Variants in TSPO observed in about 807,000 individuals in gnomAD.
TSPO encodes benzodiazepine peripheral binding site.
A neutral mutation model predicts 13.9 loss-of-function variants in TSPO; 14 were observed. The observed-to-expected ratio is 1.01, with a 90% CI of 0.67 to 1.58. TSPO has a LOEUF of 1.58. TSPO is among the 40% of genes most tolerant of loss of function. The pLI, the probability that TSPO is intolerant of heterozygous loss-of-function variation, is 0.00. For synonymous variants in TSPO, 114 were observed against 105.9 expected, an observed-to-expected ratio of 1.08 and a Z score of -0.47; for missense variants, 232 against 229.6, an observed-to-expected ratio of 1.01 and a Z score of -0.07.
intron 1 of TSPO, among the ~76,000 whole-genome samples, chr22:43,157,975 G>C (rs1022652527): frequency 4.6e-5 from 7 of 152,204 alleles, no homozygotes; most frequent in Admixed American, 6.5e-5. Flanking sequence ...CTTGGTTTGT[G>C]GGGGGCCAGT....
At position 43,162,843 on chromosome 22, in the gene TSPO, C is replaced by CCACTA. The variant is rs1269818076; in HGVS notation, c.364_368dup (p.Val124LeufsTer8). 3 of 1,585,648 alleles carry CCACTA rather than the reference C, an allele frequency of 1.9e-6. No individual in the cohort carries two copies. Among genetic ancestry groups the CCACTA allele is most frequent in the Non-Finnish European group, 2.6e-6 (3 of 1,167,218 alleles). On this transcript the variant is annotated frameshift_variant, in exon 4 of 4. Transcript: ENST00000337554. LOFTEE classifies it low-confidence loss of function (END_TRUNC). ...CTGCTGGTCAGTGGGGCGGCGGCAG[C>CCACTA]CACTACCGTGGCCTGGTACCAGGTG... is the stretch of plus-strand genomic sequence containing the variant.
chr22:43,158,791 C>T (rs949100440), intron 1 of TSPO, among the ~76,000 whole-genome samples: 2 of 150,990 alleles, frequency 1.3e-5, no homozygotes, highest in Non-Finnish European at 2.9e-5. Flanking sequence ...CAAACTCTGT[C>T]TGATACCAGT....
rs186540473 is a variant in TSPO, at chr22:43,162,046, G to A, written c.322-757G>A. Among the ~76,000 whole-genome samples, 266 of 151,804 alleles carry A rather than the reference G, an allele frequency of 1.8e-3. 4 individuals carry two copies. Among genetic ancestry groups the A allele is most frequent in the East Asian group, 7.6e-3 (39 of 5,130 alleles). On this transcript the variant is annotated intron_variant, in intron 3 of 3. Coordinates refer to ENST00000337554, the MANE Select transcript of TSPO (RefSeq NM_000714.6). Reference sequence around the variant, plus strand: ...GCTCACTGCAGACTCCACCTCCCAGGTTCAAGTGATTCTCCTGTCTCAGCC... The same window carrying A: ...GCTCACTGCAGACTCCACCTCCCAGATTCAAGTGATTCTCCTGTCTCAGCC...
Position 43,161,038 on chromosome 22 carries a change from G to A in TSPO, c.183-14G>A, listed in dbSNP as rs143706367. 1.6e-4 allele frequency: 260 copies of A among 1,609,938 alleles called. No individual in the cohort carries two copies. The Middle Eastern group carries it at 4.1e-3, about 26-fold the overall frequency. On this transcript the variant is annotated splice_polypyrimidine_tract_variant and intron_variant, in intron 2 of 3. Transcript: ENST00000337554. ...TGTTCCTAATGGTGCTCTGAACTGC[G>A]GCCTCTGTTTCAGGTACGGCTCCTA... is the stretch of plus-strand genomic sequence containing the variant.
At position 43,159,323 on chromosome 22, in the gene TSPO, G is replaced by A. The variant is rs1387474722; in HGVS notation, c.85G>A (p.Glu29Lys). 22 of 1,549,210 alleles carry A rather than the reference G, an allele frequency of 1.4e-5. No homozygotes were observed. Among genetic ancestry groups the A allele is most frequent in the East Asian group, 9.8e-5 (4 of 40,960 alleles). ...CGTGGGCTCCCGCTTTGTCCACGGC[G>A]AGGGTCTCCGCTGGTACGCCGGCCT... ...CFVGSRFVHG[E>K]GLRWYAGLQK... The change falls in exon 2 of 4, where the codon GAG becomes AAG. Residue 29 changes from glutamate (E) to lysine (K), a missense_variant. Glu to Lys is a moderately conservative substitution (Grantham distance 56). Transcript: ENST00000337554.
At position 43,159,299 on chromosome 22, in the gene TSPO, G is replaced by C. The variant is rs777431441; in HGVS notation, c.61G>C (p.Val21Leu). The C allele has an allele frequency of 5.8e-6, 9 of 1,552,138 alleles. No individual in the cohort carries two copies. The highest frequency in any genetic ancestry group is 4.1e-5 in the African/African-American group (3 of 73,208). Residue 21 changes from valine to leucine, a missense_variant, in exon 2 of 4, where the codon GTG becomes CTG. Transcript: ENST00000337554. ...GCTGGCGCCCAGCCTGGGGTGCTTCGTGGGCTCCCGCTTTGTCCACGGCGA... is the reference window on the plus strand; with the variant it reads ...GCTGGCGCCCAGCCTGGGGTGCTTCCTGGGCTCCCGCTTTGTCCACGGCGA... ...FTLAPSLGCF[V>L]GSRFVHGEGL...
At chr22:43,162,327 G>T (rs1217945259) in intron 3 of TSPO, among the ~76,000 whole-genome samples, 2 of 152,024 alleles carry the variant, frequency 1.3e-5, no homozygotes, top group African/African-American at 4.8e-5. Flanking sequence ...TTACCATATT[G>T]GTCAGGTTGG....
In TSPO at chr22:43,161,191, G is replaced by C; in HGVS notation, c.321+1G>C. The C allele has an allele frequency of 6.2e-7, 1 of 1,611,360 alleles. No individual in the cohort carries two copies. Among genetic ancestry groups the C allele is most frequent in the Non-Finnish European group, 8.5e-7 (1 of 1,178,304 alleles). On this transcript the variant is annotated splice_donor_variant, in intron 3 of 3. Transcript: ENST00000337554. LOFTEE classifies it high-confidence loss of function. ...CTTTGGTGCCCGACAAATGGGCTGG[G>C]TAAGTGTGGCCACAGCATGTGTCCC...
At chr22:43,158,195 G>A (rs372891398) in intron 1 of TSPO, among the ~76,000 whole-genome samples, 30 of 152,254 alleles carry the variant, frequency 2.0e-4, no homozygotes, top group Admixed American at 1.4e-3. Context: ...CTTGTCTCTC[G>A]TGTTCCCCTG....
intron 1 of TSPO, among the ~76,000 whole-genome samples, chr22:43,154,398 G>C (rs756594493): frequency 1.3e-5 from 2 of 151,776 alleles, no homozygotes; most frequent in Non-Finnish European, 2.9e-5. Context: ...TTGCTCTGTT[G>C]CCCAGGCTGG....
At chr22:43,154,337 CTTTT>C (rs372982994) in intron 1 of TSPO, among the ~76,000 whole-genome samples, 1 of 151,062 alleles carries the variant, frequency 6.6e-6, no homozygotes, top group African/African-American at 2.4e-5. Flanking sequence ...GGGTCGCCTT[CTTTT>C]TTTTTGTTTG....
intron 1 of TSPO, among the ~76,000 whole-genome samples, chr22:43,153,177 A>C (rs1309948705): frequency 9.6e-6 from 1 of 104,276 alleles, no homozygotes; most frequent in Non-Finnish European, 1.9e-5. Flanking sequence ...TGTTTGAGAC[A>C]GGGTCTCACT....
rs1247482341 is a variant in TSPO, at chr22:43,161,137, G to C, written c.268G>C (p.Ala90Pro). The C allele has an allele frequency of 6.2e-7, 1 of 1,614,142 alleles. No individual in the cohort carries two copies. The change falls in exon 3 of 4, where the codon GCC becomes CCC. Residue 90 changes from alanine (A) to proline (P), a missense_variant. By Grantham distance (27) the Ala-to-Pro change is conservative. Coordinates refer to ENST00000337554, the MANE Select transcript of TSPO (RefSeq NM_000714.6). ...CCTGGGCCTCTACACTGGGCAGCTG[G>C]CCCTGAACTGGGCATGGCCCCCCAT... ...VPLGLYTGQLALNWAWPPIFF... is the reference protein window; with the variant it reads ...VPLGLYTGQLPLNWAWPPIFF...
In TSPO at chr22:43,158,307, C is replaced by T. The variant is rs534354828; in HGVS notation, c.-29-903C>T. Among the ~76,000 whole-genome samples the T allele has an allele frequency of 2.6e-5, 4 of 152,362 alleles. No homozygotes were observed. The South Asian group carries it at 8.3e-4, about 32-fold the overall frequency. On this transcript the variant is annotated intron_variant, in intron 1 of 3. Coordinates refer to ENST00000337554, the MANE Select transcript of TSPO (RefSeq NM_000714.6). ...GGCTCCCTCAGCACCAGTCTGTGCCCACTCAGGGCCTCCCCAGCCCTGTGC... is the reference window on the plus strand; with the variant it reads ...GGCTCCCTCAGCACCAGTCTGTGCCTACTCAGGGCCTCCCCAGCCCTGTGC...
Position 43,162,886 on chromosome 22 carries a change from C to G in TSPO, c.405C>G (p.Arg135=), listed in dbSNP as rs763988323. The G allele has an allele frequency of 9.5e-6, 15 of 1,582,654 alleles. No individual in the cohort carries two copies. In the South Asian group the frequency reaches 1.7e-4, roughly 18 times the overall value. The change falls in exon 4 of 4, where the codon CGC becomes CGG. Residue 135 remains arginine (R), a synonymous_variant. Coordinates refer to ENST00000337554, the MANE Select transcript of TSPO (RefSeq NM_000714.6). The part of the protein sequence containing the change: ...AWYQVSPLAA[R]LLYPYLAWLA... ...ACCAGGTGAGCCCGCTGGCCGCCCG[C>G]CTGCTCTACCCCTACCTGGCCTGGC...
At position 43,157,357 on chromosome 22, in the gene TSPO, G is replaced by C. The variant is rs561728652; in HGVS notation, c.-29-1853G>C. Among the ~76,000 whole-genome samples, 6 of 151,744 alleles carry C rather than the reference G, an allele frequency of 4.0e-5. No homozygotes were observed. In the East Asian group the frequency reaches 1.2e-3, roughly 29 times the overall value. ...GGAGAACACAGGAACGTTTCTTGCC[G>C]GGACATAGGTCACATGCCCACCCCC... is the stretch of plus-strand genomic sequence containing the variant. On this transcript the variant is annotated intron_variant, in intron 1 of 3. Transcript: ENST00000337554.
At chr22:43,160,041 G>C (rs1931385350) in intron 2 of TSPO, among the ~76,000 whole-genome samples, 1 of 152,164 alleles carries the variant, frequency 6.6e-6, no homozygotes. Context: ...CTGGTTCTGT[G>C]CCAGCGCAGT....
intron 3 of TSPO, 78 bp downstream of exon 3, chr22:43,161,268 GGTCA>G: frequency 6.5e-7 from 1 of 1,540,478 alleles, no homozygotes. Context: ...TATGACACTG[GGTCA>G]GTGTCTATAG....
At chr22:43,161,452 G>A (rs1931436044) in intron 3 of TSPO, among the ~76,000 whole-genome samples, 1 of 151,972 alleles carries the variant, frequency 6.6e-6, no homozygotes, top group Non-Finnish European at 1.5e-5. Context: ...GCCTGGTACT[G>A]TGTGGGCAGG....
Sources: gnomAD v4.1 joint callset for allele counts (sites outside exome capture counted in the v4.1 genomes callset) on GRCh38, gnomAD v4.1.1 for gene constraint, MANE v1.5 for transcripts, NCBI Gene and HGNC (gene_info 2026-07-23, HGNC 2026-07-21) for gene names.